The following FRMD4A variants were observed in gnomAD, a reference collection of about 807,000 sequenced individuals.
FRMD4A encodes the protein FERM domain-containing protein 4A.
FRMD4A carries 29 observed loss-of-function variants against 129.1 expected under a neutral mutation model. The observed-to-expected ratio is 0.22, with a 90% confidence interval of 0.17 to 0.31. The LOEUF (loss-of-function observed/expected upper bound fraction) is 0.31. FRMD4A is among the 10% of genes least tolerant of loss of function. The probability of loss-of-function intolerance (pLI) is 1.00; values close to 1 mark genes in which losing one functional copy is unlikely to be tolerated. For synonymous variants in FRMD4A, 634 were observed against 571.6 expected (o/e 1.11, Z -1.56); for missense variants, 1,272 against 1,375.8 (o/e 0.92, Z 1.19).
chr10:14,085,957 A>G (rs1368085326), intron 2 of FRMD4A, among the ~76,000 whole-genome samples: 1 of 152,126 alleles, frequency 6.6e-6, no homozygotes. Context: ...TTTTTTTGCA[A>G]AATCCTCTGT....
chr10:14,238,094 T>C (rs1843894446), intron 2 of FRMD4A, among the ~76,000 whole-genome samples: 2 of 152,226 alleles, frequency 1.3e-5, no homozygotes, highest in South Asian at 4.1e-4. Context: ...ACCTGAGAAC[T>C]TTCCCAGCAA....
intron 2 of FRMD4A, among the ~76,000 whole-genome samples, chr10:14,138,015 T>C (rs1346479775): frequency 1.3e-5 from 2 of 152,100 alleles, no homozygotes; most frequent in Non-Finnish European, 2.9e-5. Context: ...AAGAAGGCAG[T>C]TGTTAGATAC....
chr10:13,788,001 T>G (rs2092910512), intron 5 of FRMD4A, among the ~76,000 whole-genome samples: 2 of 152,266 alleles, frequency 1.3e-5, no homozygotes, highest in Non-Finnish European at 2.9e-5. Context: ...CAAAGAACAT[T>G]CCAGGTCTCT....
chr10:14,238,795 G>C (rs945736704), intron 2 of FRMD4A, among the ~76,000 whole-genome samples: 2 of 152,112 alleles, frequency 1.3e-5, no homozygotes, highest in Non-Finnish European at 2.9e-5. Context: ...TTGGTTTTCT[G>C]TTCCTGTGTT....
intron 2 of FRMD4A, among the ~76,000 whole-genome samples, chr10:14,000,929 A>G (rs927009327): frequency 6.6e-6 from 1 of 152,196 alleles, no homozygotes; most frequent in Non-Finnish European, 1.5e-5. Context: ...GACACTGCAT[A>G]GGATGTGCCA....
chr10:13,733,822 G>T (rs2090462322), intron 12 of FRMD4A, among the ~76,000 whole-genome samples: 2 of 152,244 alleles, frequency 1.3e-5, no homozygotes, highest in African/African-American at 4.8e-5. Context: ...AACGGAAGCT[G>T]CCTCTGCATC....
intron 2 of FRMD4A, among the ~76,000 whole-genome samples, chr10:14,118,894 A>C (rs543222614): frequency 6.6e-6 from 1 of 152,206 alleles, no homozygotes; most frequent in East Asian, 1.9e-4. Context: ...ATAACCCTGA[A>C]TCCCCACAAC....
Position 13,821,435 on chromosome 10 carries a change from A to G in FRMD4A, c.112-10527T>C, listed in dbSNP as rs1213651190. On this transcript the variant is annotated intron_variant, in intron 3 of 24. Coordinates refer to ENST00000357447, the MANE Select transcript of FRMD4A (RefSeq NM_018027.5). The surrounding 1 kb of genome is among the most constrained non-coding windows in gnomAD (Gnocchi z 4.3). Reference sequence around the variant, plus strand: ...TGCCAGAGGTGGCATCTCTTTACCCAGAGGTCCCTGCCCAGCCTGAACCGG... The same window carrying G: ...TGCCAGAGGTGGCATCTCTTTACCCGGAGGTCCCTGCCCAGCCTGAACCGG... Among the ~76,000 whole-genome samples the G allele has an allele frequency of 6.6e-6, 1 of 152,186 alleles. No homozygotes were observed. Among genetic ancestry groups the G allele is most frequent in the Non-Finnish European group, 1.5e-5 (1 of 68,022 alleles).
At position 13,850,208 on chromosome 10, in the gene FRMD4A, C is replaced by CA. The variant is rs200364280; in HGVS notation, c.111+8638dup. ...TGGGTGACAGAGTGAGGCTCCATCT[C>CA]AAAAAAAAAGAGAACCAAGTTTATT... On this transcript the variant is annotated intron_variant, in intron 3 of 24. Transcript: ENST00000357447. 9.6e-3 allele frequency among the ~76,000 whole-genome samples: 1,426 copies of CA among 148,830 alleles called. 18 individuals carry two copies. Among genetic ancestry groups the CA allele is most frequent in the African/African-American group, 0.033 (1,349 of 40,600 alleles).
chr10:14,186,121 C>T (rs1456914468), intron 2 of FRMD4A, among the ~76,000 whole-genome samples: 2 of 150,460 alleles, frequency 1.3e-5, no homozygotes, highest in Non-Finnish European at 2.9e-5. Flanking sequence ...ATTTATTGAG[C>T]TTACAAAATC....
intron 14 of FRMD4A, among the ~76,000 whole-genome samples, chr10:13,700,611 G>A (rs1031493892): frequency 6.6e-6 from 1 of 152,142 alleles, no homozygotes; most frequent in South Asian, 2.1e-4. Context: ...CTTGTGGGGG[G>A]CTGACAGGGG....
intron 2 of FRMD4A, among the ~76,000 whole-genome samples, chr10:13,871,982 C>G (rs2094443794): frequency 6.6e-6 from 1 of 152,248 alleles, no homozygotes; most frequent in African/African-American, 2.4e-5. Context: ...GTGTGATCCT[C>G]CAGAAGTTAC....
chr10:13,988,668 CGATA>C (rs371726612), intron 2 of FRMD4A, among the ~76,000 whole-genome samples: 115 of 152,014 alleles, frequency 7.6e-4, no homozygotes, highest in African/African-American at 2.6e-3. Flanking sequence ...ACCGATAGAT[CGATA>C]GATAGATAGG....
intron 2 of FRMD4A, among the ~76,000 whole-genome samples, chr10:13,975,395 CTGTG>C (rs764451508): frequency 2.0e-5 from 3 of 150,286 alleles, no homozygotes; most frequent in African/African-American, 7.4e-5. Flanking sequence ...GTCTTTGTCT[CTGTG>C]TGTGTGTCTG....
chr10:13,673,769 CTTTTTTT>C (rs1156236426), intron 16 of FRMD4A, among the ~76,000 whole-genome samples: 1 of 94,278 alleles, frequency 1.1e-5, no homozygotes, highest in East Asian at 3.2e-4. Context: ...GAAAGCATTG[CTTTTTTT>C]TTTTTTTTTT....
At chr10:13,779,665 G>T (rs2092688116) in intron 6 of FRMD4A, among the ~76,000 whole-genome samples, 1 of 151,940 alleles carries the variant, frequency 6.6e-6, no homozygotes, top group Admixed American at 6.6e-5. Flanking sequence ...TCCGCTTCTT[G>T]TTAATTACAT....
At chr10:14,323,546 A>G (rs1589313945) in intron 2 of FRMD4A, among the ~76,000 whole-genome samples, 1 of 151,338 alleles carries the variant, frequency 6.6e-6, no homozygotes, top group East Asian at 1.9e-4. Flanking sequence ...ATCATGGTAT[A>G]CAAGATGCAC....
At chr10:13,971,873 A>G (rs2095520727) in intron 2 of FRMD4A, 3 of 1,294,538 alleles carry the variant, frequency 2.3e-6, no homozygotes, top group Non-Finnish European at 3.0e-6. Context: ...TTAGTGACAC[A>G]AAGTGCCAAT....
At chr10:14,074,121 T>G (rs1038075408) in intron 2 of FRMD4A, among the ~76,000 whole-genome samples, 42 of 152,262 alleles carry the variant, frequency 2.8e-4, no homozygotes, top group African/African-American at 8.7e-4. Context: ...AAAAAATTTT[T>G]TTTGTTTCAT....
Sources: gnomAD v4.1 joint callset for allele counts (sites outside exome capture counted in the v4.1 genomes callset) on GRCh38, gnomAD v4.1.1 for gene constraint, Gnocchi (gnomAD v3.1) non-coding constraint, MANE v1.5 for transcripts, NCBI Gene and HGNC (gene_info 2026-07-23, HGNC 2026-07-21) for gene names.